UST: variants seen among roughly 807,000 people sequenced by gnomAD.
UST encodes uronyl 2-sulfotransferase.
Under a neutral mutation model 45.6 loss-of-function variants are expected in UST, and 21 were observed. The observed-to-expected ratio is 0.46, with a 90% CI of 0.33 to 0.66. UST has a LOEUF of 0.66. Ranked by LOEUF, UST falls within the 30% of genes least tolerant of loss-of-function variation. UST has a pLI of 0.02. For synonymous variants in UST, 215 were observed against 200.6 expected (o/e 1.07, Z -0.61); for missense variants, 463 against 512.4 (o/e 0.90, Z 0.93).
chr6:149,025,583 A>G (rs1379149209), intron 7 of UST, among the ~76,000 whole-genome samples: 1 of 152,222 alleles, frequency 6.6e-6, no homozygotes, highest in Non-Finnish European at 1.5e-5. Flanking sequence ...CAGCAGGTTT[A>G]CTCGGTAGAA....
chr6:148,873,221 C>G (rs1778590653), intron 1 of UST, among the ~76,000 whole-genome samples: 1 of 152,160 alleles, frequency 6.6e-6, no homozygotes, highest in African/African-American at 2.4e-5. Flanking sequence ...TGGGCACACC[C>G]TTGCAGAGCA....
At chr6:148,801,283 G>A (rs1417370560) in intron 1 of UST, among the ~76,000 whole-genome samples, 3 of 152,018 alleles carry the variant, frequency 2.0e-5, no homozygotes, top group African/African-American at 4.8e-5. Flanking sequence ...TTCATCTGTG[G>A]GATTTCATGG....
At chr6:148,870,630 T>G (rs1039320827) in intron 1 of UST, among the ~76,000 whole-genome samples, 8 of 152,150 alleles carry the variant, frequency 5.3e-5, no homozygotes, top group Non-Finnish European at 2.9e-5. Flanking sequence ...CAGATACAGC[T>G]GGGGAGACTC....
At chr6:148,841,634 C>G (rs901612698) in intron 1 of UST, among the ~76,000 whole-genome samples, 1 of 146,380 alleles carries the variant, frequency 6.8e-6, no homozygotes, top group Non-Finnish European at 1.5e-5. Context: ...ATTGTTGCTG[C>G]TTTTTCCAGG....
chr6:148,807,478 G>A (rs1378994851), intron 1 of UST, among the ~76,000 whole-genome samples: 1 of 152,150 alleles, frequency 6.6e-6, no homozygotes, highest in African/African-American at 2.4e-5. Flanking sequence ...TAATAATGAA[G>A]TTATGAGAAT....
intron 1 of UST, among the ~76,000 whole-genome samples, chr6:148,869,551 A>G (rs1213904004): frequency 6.6e-6 from 1 of 152,198 alleles, no homozygotes; most frequent in Non-Finnish European, 1.5e-5. Context: ...TCCTTGTGTT[A>G]CTTGAAAGTT....
intron 5 of UST, among the ~76,000 whole-genome samples, chr6:148,999,361 C>T (rs1781506046): frequency 6.6e-6 from 1 of 152,192 alleles, no homozygotes; most frequent in Admixed American, 6.5e-5. Context: ...AATAGAACAC[C>T]TATCTGGCAC....
At chr6:149,032,788 G>C (rs536987694) in intron 7 of UST, among the ~76,000 whole-genome samples, 1 of 152,300 alleles carries the variant, frequency 6.6e-6, no homozygotes, top group South Asian at 2.1e-4. Context: ...CTTGGGGGTT[G>C]TACAGTTTTC....
chr6:148,860,113 C>T (rs142813607), intron 1 of UST, among the ~76,000 whole-genome samples: 1 of 152,192 alleles, frequency 6.6e-6, no homozygotes, highest in Admixed American at 6.5e-5. Context: ...GATATTGATT[C>T]TTCCTATCCA....
chr6:149,073,962 A>G lies in UST; in HGVS notation c.1067A>G (p.His356Arg). The G allele has an allele frequency of 6.2e-7, 1 of 1,614,180 alleles. No homozygotes were observed. Among genetic ancestry groups the G allele is most frequent in the Non-Finnish European group, 8.5e-7 (1 of 1,180,022 alleles). ...TACCACTACGTCAAAGAGCAGTTCC[A>G]CCTGCTGAAGCGCAAGTTTGGACTT... ...EFYHYVKEQF[H>R]LLKRKFGLKS... The change falls in exon 8 of 8, where the codon CAC (histidine) becomes CGC (arginine). Residue 356 changes from histidine (H) to arginine (R), a missense_variant. Around this residue, in one of 2 missense-constraint regions of UST, gnomAD observed 287 missense variants for 374.2 expected, o/e 0.77. Coordinates refer to ENST00000367463, the MANE Select transcript of UST (RefSeq NM_005715.3).
At chr6:148,789,522 A>G (rs951581342) in intron 1 of UST, among the ~76,000 whole-genome samples, 1 of 151,818 alleles carries the variant, frequency 6.6e-6, no homozygotes, top group Non-Finnish European at 1.5e-5. Flanking sequence ...GTTTTTGATC[A>G]TTGAATTAAA....
At chr6:148,911,723 A>T (rs1779478930) in intron 2 of UST, among the ~76,000 whole-genome samples, 1 of 151,770 alleles carries the variant, frequency 6.6e-6, no homozygotes, top group Admixed American at 6.6e-5. Flanking sequence ...AAAAAAAAAA[A>T]TCAGACATGA....
chr6:148,878,499 T>TGTGTATGAGTGCGGGGATC (rs1382349931), intron 1 of UST, among the ~76,000 whole-genome samples: 1 of 95,610 alleles, frequency 1.0e-5, no homozygotes, highest in African/African-American at 4.2e-5. Context: ...GTACAGGGAT[T>TGTGTATGAGTGCGGGGATC]GTGTATGAGT....
At chr6:148,784,334 C>G (rs755123381) in intron 1 of UST, among the ~76,000 whole-genome samples, 1 of 152,178 alleles carries the variant, frequency 6.6e-6, no homozygotes, top group African/African-American at 2.4e-5. Flanking sequence ...TAGCCCCAAA[C>G]GATGACACTC....
intron 4 of UST, among the ~76,000 whole-genome samples, chr6:148,960,087 G>A (rs570550265): frequency 2.6e-5 from 4 of 152,052 alleles, no homozygotes; most frequent in South Asian, 2.1e-4. Context: ...TCAGGAGTTC[G>A]AGACCAGCCT....
intron 1 of UST, among the ~76,000 whole-genome samples, chr6:148,808,372 A>C (rs1402716158): frequency 6.6e-6 from 1 of 152,132 alleles, no homozygotes; most frequent in East Asian, 1.9e-4. Flanking sequence ...TTTTACCAGC[A>C]TAAGATCCTA....
intron 5 of UST, among the ~76,000 whole-genome samples, chr6:148,991,364 T>A (rs145586442): frequency 0.014 from 2,061 of 152,270 alleles, 52 homozygotes; most frequent in African/African-American, 0.048. Context: ...TTTTAATTTT[T>A]ATTTTTATTA....
intron 1 of UST, among the ~76,000 whole-genome samples, chr6:148,814,811 G>A (rs1253637052): frequency 1.3e-5 from 2 of 152,154 alleles, no homozygotes; most frequent in African/African-American, 4.8e-5. Context: ...TCTCTTCAGG[G>A]TGATGGGGGC....
rs73602922 is a variant in UST, at chr6:148,836,878, A to G, written c.248-50108A>G. 6.7e-3 allele frequency among the ~76,000 whole-genome samples: 1,021 copies of G among 152,312 alleles called. 17 individuals carry two copies. Among genetic ancestry groups the G allele is most frequent in the African/African-American group, 0.024 (994 of 41,554 alleles). ...TTCAGGTGAAACAGATGCTCAACAG[A>G]GCCAAGCTTTGAAGACACTTACATT... On this transcript the variant is annotated intron_variant, in intron 1 of 7. Coordinates refer to ENST00000367463, the MANE Select transcript of UST (RefSeq NM_005715.3).
Sources: gnomAD v4.1 joint callset for allele counts (sites outside exome capture counted in the v4.1 genomes callset) on GRCh38, gnomAD v4.1.1 for gene constraint, gnomAD v4.1.1 regional missense constraint, MANE v1.5 for transcripts, NCBI Gene and HGNC (gene_info 2026-07-23, HGNC 2026-07-21) for gene names.